The following DENND1A variants were observed in gnomAD, a reference collection of about 807,000 sequenced individuals.
DENND1A encodes the protein DENN domain-containing protein 1A.
Under a neutral mutation model 113.7 loss-of-function variants are expected in DENND1A, and 51 were observed. The ratio of observed to expected loss-of-function variants is 0.45; its 90% CI spans 0.36 to 0.57. The LOEUF (loss-of-function observed/expected upper bound fraction) is 0.57. Among genes scored for constraint, DENND1A ranks in the 20% least tolerant of loss-of-function variants. The pLI is 0.00. For missense variants in DENND1A, 1,258 were observed against 1,395.9 expected (o/e 0.90, Z 1.57); for synonymous variants, 565 against 570.8 (o/e 0.99, Z 0.14).
intron 13 of DENND1A, among the ~76,000 whole-genome samples, chr9:123,533,539 C>T (rs1314111430): frequency 6.6e-6 from 1 of 152,160 alleles, no homozygotes; most frequent in Non-Finnish European, 1.5e-5. Context: ...GAAAGACAGA[C>T]CTCTTGGATT....
chr9:123,560,538 G>T (rs1448413218), intron 12 of DENND1A, among the ~76,000 whole-genome samples: 1 of 151,880 alleles, frequency 6.6e-6, no homozygotes, highest in South Asian at 2.1e-4. Context: ...AATATAAAAA[G>T]ATTTAGCCAG....
chr9:123,420,469 C>T lies in DENND1A; in HGVS notation c.1489-8640G>A, dbSNP rs114438024. 2.7e-3 allele frequency among the ~76,000 whole-genome samples: 414 copies of T among 152,260 alleles called. 1 individual carries two copies. The highest frequency in any genetic ancestry group is 4.3e-3 in the Non-Finnish European group (294 of 68,022). On this transcript the variant is annotated intron_variant, in intron 19 of 23. Coordinates refer to ENST00000394215, the MANE Select transcript of DENND1A (RefSeq NM_001352964.2). ...TCGAAGGGGGTCCGGGAAGAAAAGCCGCAGCACCTGCCGCGGGGTCTCACA... is the reference window on the plus strand; with the variant it reads ...TCGAAGGGGGTCCGGGAAGAAAAGCTGCAGCACCTGCCGCGGGGTCTCACA...
Position 123,557,634 on chromosome 9 carries a change from C to T in DENND1A, c.929G>A (p.Arg310Lys), listed in dbSNP as rs779072046. The T allele has an allele frequency of 1.9e-6, 3 of 1,614,130 alleles. No individual in the cohort carries two copies. The highest frequency in any genetic ancestry group is 2.5e-6 in the Non-Finnish European group (3 of 1,180,000). ...VSTTTGDGVA[R>K]AFLKAQAAFF... ...AGCAGCCTGGGCCTTGAGGAACGCT[C>T]TGGCCACACCATCCCCAGTGGTTGT... The change falls in exon 13 of 24, where the codon AGA becomes AAA. Residue 310 changes from arginine (R) to lysine (K), a missense_variant. Around this residue, in one of 2 missense-constraint regions of DENND1A, gnomAD observed 1,159 missense variants for 1,231.7 expected, o/e 0.94. Transcript: ENST00000394215.
Position 123,422,164 on chromosome 9 carries a change from G to A in DENND1A, c.1489-10335C>T, listed in dbSNP as rs1302060114. On this transcript the variant is annotated intron_variant, in intron 19 of 23. Transcript: ENST00000394215. This position sits in a 1 kb window ranked among gnomAD's most constrained non-coding sequence, Gnocchi z 4.8. ...GGCACAAGGCCTGGCACGCGGTCAAGTTAAAGTAAATGGCTGCCCAAGAGT... is the reference window on the plus strand; with the variant it reads ...GGCACAAGGCCTGGCACGCGGTCAAATTAAAGTAAATGGCTGCCCAAGAGT... Among the ~76,000 whole-genome samples the A allele has an allele frequency of 6.6e-6, 1 of 152,242 alleles. No individual in the cohort carries two copies. The highest frequency in any genetic ancestry group is 2.4e-5 in the African/African-American group (1 of 41,466).
chr9:123,677,897 T>C (rs1241286294), intron 5 of DENND1A, among the ~76,000 whole-genome samples: 1 of 152,170 alleles, frequency 6.6e-6, no homozygotes, highest in African/African-American at 2.4e-5. Flanking sequence ...CTCTGTCTAC[T>C]TCCTCATAGA....
chr9:123,798,346 G>A (rs575859288), intron 2 of DENND1A: 3 of 152,196 alleles, frequency 2.0e-5, no homozygotes, highest in Non-Finnish European at 4.4e-5. Flanking sequence ...ATCCTGCTCC[G>A]ATGTGACTAT....
At chr9:123,650,889 A>C (rs903357079) in intron 9 of DENND1A, among the ~76,000 whole-genome samples, 4 of 143,640 alleles carry the variant, frequency 2.8e-5, no homozygotes, top group Admixed American at 7.0e-5. Flanking sequence ...CCTGGGTGAC[A>C]GAGTAAGACT....
intron 8 of DENND1A, among the ~76,000 whole-genome samples, chr9:123,652,958 T>C (rs2062739080): frequency 6.6e-6 from 1 of 152,202 alleles, no homozygotes. Context: ...CTGACTTTAA[T>C]AATACACATG....
In DENND1A at chr9:123,671,374, G is replaced by A; in HGVS notation, c.373-3C>T. The A allele has an allele frequency of 1.2e-6, 2 of 1,613,650 alleles. No homozygotes were observed. The highest frequency in any genetic ancestry group is 1.7e-6 in the Non-Finnish European group (2 of 1,179,870). ...AGAAGCTCATTCCACTGATTTTCCTGAAAGAAATAAAAGGCCTAAGTAACA... is the reference window on the plus strand; with the variant it reads ...AGAAGCTCATTCCACTGATTTTCCTAAAAGAAATAAAAGGCCTAAGTAACA... On this transcript the variant is annotated splice_polypyrimidine_tract_variant and splice_region_variant and intron_variant, in intron 6 of 23. Coordinates refer to ENST00000394215, the MANE Select transcript of DENND1A (RefSeq NM_001352964.2).
At chr9:123,619,407 TTGATTGAC>T (rs2060826062) in intron 10 of DENND1A, among the ~76,000 whole-genome samples, 1 of 151,124 alleles carries the variant, frequency 6.6e-6, no homozygotes, top group Non-Finnish European at 1.5e-5. Context: ...TATACATACA[TTGATTGAC>T]TGATTGATTG....
chr9:123,929,590 A>G (rs1857661542), intron 1 of DENND1A, among the ~76,000 whole-genome samples: 1 of 151,968 alleles, frequency 6.6e-6, no homozygotes, highest in African/African-American at 2.4e-5. Context: ...CAGTTGAAGG[A>G]CCATTTTCAG....
intron 1 of DENND1A, among the ~76,000 whole-genome samples, chr9:123,923,328 A>G (rs1447964297): frequency 6.6e-6 from 1 of 152,244 alleles, no homozygotes; most frequent in African/African-American, 2.4e-5. Context: ...TCTGAGCACT[A>G]ACGATGGAGA....
chr9:123,694,894 T>C (rs931722586), intron 5 of DENND1A, among the ~76,000 whole-genome samples: 2 of 152,218 alleles, frequency 1.3e-5, no homozygotes, highest in African/African-American at 4.8e-5. Context: ...TGGGTGTGTC[T>C]GTGAGGGTAT....
chr9:123,507,782 C>CCA (rs2053096040), intron 13 of DENND1A, among the ~76,000 whole-genome samples: 1 of 151,518 alleles, frequency 6.6e-6, no homozygotes. Context: ...CATGATCAGG[C>CCA]CACTGCACTG....
chr9:123,574,831 A>T (rs2058550260), intron 12 of DENND1A, among the ~76,000 whole-genome samples: 2 of 152,248 alleles, frequency 1.3e-5, no homozygotes, highest in Admixed American at 1.3e-4. Flanking sequence ...CATATCTTAG[A>T]TTACCACCAC....
In DENND1A at chr9:123,570,925, CACGCCTTT is replaced by C. The variant is rs1408590253; in HGVS notation, c.867+12236_867+12243del. ...TTGAGATAAACATGAAGTCTGTAAA[CACGCCTTT>C]AGATCTAAAAGAAGGAGTATTCTTG... is the stretch of plus-strand genomic sequence containing the variant. On this transcript the variant is annotated intron_variant, in intron 12 of 23. Coordinates refer to ENST00000394215, the MANE Select transcript of DENND1A (RefSeq NM_001352964.2). Among the ~76,000 whole-genome samples the C allele has an allele frequency of 5.9e-5, 9 of 152,262 alleles. No individual in the cohort carries two copies. In the East Asian group the frequency reaches 9.6e-4, roughly 16 times the overall value.
intron 2 of DENND1A, among the ~76,000 whole-genome samples, chr9:123,798,883 A>C (rs2132177686): frequency 6.6e-6 from 1 of 152,254 alleles, no homozygotes; most frequent in East Asian, 1.9e-4. Context: ...CAATTCCTAA[A>C]ATCTATCAAA....
chr9:123,389,887 C>A (rs72755160), intron 21 of DENND1A, among the ~76,000 whole-genome samples: 1 of 152,116 alleles, frequency 6.6e-6, no homozygotes, highest in Non-Finnish European at 1.5e-5. Flanking sequence ...GCGGCCGTGC[C>A]GAGCTCCGAG....
intron 19 of DENND1A, among the ~76,000 whole-genome samples, chr9:123,426,028 C>A (rs1405206352): frequency 6.6e-6 from 1 of 152,242 alleles, no homozygotes; most frequent in East Asian, 1.9e-4. Flanking sequence ...AGGGGCACTT[C>A]ACAGAGTCCT....
Sources: allele counts gnomAD v4.1 joint callset (sites outside exome capture counted in the v4.1 genomes callset), GRCh38; gene constraint gnomAD v4.1.1; regional missense constraint gnomAD v4.1.1; non-coding constraint Gnocchi (gnomAD v3.1); transcripts MANE v1.5; gene names NCBI Gene and HGNC (gene_info 2026-07-23, HGNC 2026-07-21).